Variants in CCDC141 observed in about 807,000 individuals in gnomAD.
CCDC141 encodes the protein coiled-coil domain-containing protein 141.
CCDC141 carries 168 observed loss-of-function variants against 181.0 expected under a neutral mutation model. The observed-to-expected ratio is 0.93, with a 90% CI of 0.82 to 1.05. The LOEUF (loss-of-function observed/expected upper bound fraction) is 1.05, where lower values mean the gene tolerates loss of function less well. Among genes scored for constraint, CCDC141 ranks in the 50% least tolerant of loss-of-function variants. The pLI, the probability that CCDC141 is intolerant of heterozygous loss-of-function variation, is 0.00. For missense variants in CCDC141, 1,902 were observed against 1,788.5 expected, an observed-to-expected ratio of 1.06 and a Z score of -1.14; for synonymous variants, 666 against 642.3, an observed-to-expected ratio of 1.04 and a Z score of -0.56.
intron 4 of CCDC141, among the ~76,000 whole-genome samples, chr2:178,972,110 AAAGATAT>A (rs1165037026): frequency 1.6e-4 from 24 of 152,258 alleles, no homozygotes; most frequent in African/African-American, 5.5e-4. Context: ...AAATTTAAAA[AAAGATAT>A]ATACAACATC....
intron 2 of CCDC141, among the ~76,000 whole-genome samples, chr2:178,981,926 G>T (rs1355140033): frequency 6.7e-6 from 1 of 148,976 alleles, no homozygotes; most frequent in Non-Finnish European, 1.5e-5. Context: ...AAAGAGAAAA[G>T]AAACAAATTA....
chr2:178,944,626 A>G lies in CCDC141; in HGVS notation c.806T>C (p.Ile269Thr), dbSNP rs1005153518. ...TAGACTTTGTTCCTGTAAATTTCTT[A>G]TAGTTTTCTGAAACCAACAAGTAAC... is the stretch of plus-strand genomic sequence containing the variant. ...NQVTCWFQKTIRNLQEQSLGS... is the reference protein window; with the variant it reads ...NQVTCWFQKTTRNLQEQSLGS... Residue 269 changes from isoleucine to threonine, a missense_variant, in exon 6 of 24, where the codon ATA becomes ACA. Physicochemically the swap from Ile to Thr is moderately conservative, Grantham distance 89. Transcript: ENST00000443758. 1 of 1,524,218 alleles carries G rather than the reference A, an allele frequency of 6.6e-7. No individual in the cohort carries two copies. The highest frequency in any genetic ancestry group is 1.4e-5 in the African/African-American group (1 of 71,866). 94.4% of individuals were successfully genotyped at this position (1,524,218 alleles called of 1,614,324 possible).
chr2:178,982,454 G>A (rs1292961821), intron 2 of CCDC141, among the ~76,000 whole-genome samples: 1 of 152,210 alleles, frequency 6.6e-6, no homozygotes, highest in Non-Finnish European at 1.5e-5. Context: ...AATTGAAGGA[G>A]GGAGGAGCCA....
chr2:178,907,583 G>A (rs1347393242), intron 7 of CCDC141, among the ~76,000 whole-genome samples: 2 of 152,190 alleles, frequency 1.3e-5, no homozygotes, highest in African/African-American at 4.8e-5. Context: ...CTATAGGACT[G>A]TAAAAGAAAG....
Position 178,834,449 on chromosome 2 carries a change from G to A in CCDC141, c.4326-9C>T. On this transcript the variant is annotated splice_polypyrimidine_tract_variant and intron_variant, in intron 23 of 23. Coordinates refer to ENST00000443758, the MANE Select transcript of CCDC141 (RefSeq NM_173648.4). The stretch of plus-strand genomic sequence containing the variant: ...TCTGGCCCTTCTTGTACCTGAAGCA[G>A]AGAGGCAGTTTTTAAAGTCAGGATT... 6.5e-7 allele frequency: 1 copy of A among 1,534,134 alleles called. No individual in the cohort carries two copies. The highest frequency in any genetic ancestry group is 8.7e-7 in the Non-Finnish European group (1 of 1,145,124).
At chr2:179,006,265 A>G (rs1462051844) in intron 2 of CCDC141, among the ~76,000 whole-genome samples, 1 of 152,192 alleles carries the variant, frequency 6.6e-6, no homozygotes, top group Non-Finnish European at 1.5e-5. Context: ...CTTAACATAC[A>G]CGGGGGTGGG....
intron 12 of CCDC141, chr2:178,877,712 A>T (rs1463360398): frequency 3.7e-6 from 2 of 534,964 alleles, no homozygotes; most frequent in Admixed American, 7.5e-5. Context: ...TAATAATAAC[A>T]ATGTTGCATT....
chr2:178,822,367 T>C, the CCDC141 span, among the ~76,000 whole-genome samples: 2 of 150,674 alleles, frequency 1.3e-5, no homozygotes, highest in South Asian at 4.2e-4. Context: ...GTAACAAACC[T>C]GCATGTTGTG....
At chr2:179,015,873 C>CAT (rs1288236185) in intron 2 of CCDC141, among the ~76,000 whole-genome samples, 1 of 118,948 alleles carries the variant, frequency 8.4e-6, no homozygotes, top group African/African-American at 2.7e-5. Flanking sequence ...ATATATATCT[C>CAT]ATATGTATCA....
At chr2:178,869,015 T>G (rs1043162014) in intron 15 of CCDC141, 102 bp downstream of exon 15, 1 of 762,458 alleles carries the variant, frequency 1.3e-6, no homozygotes. Flanking sequence ...AAACTTCTGA[T>G]ACTAGAAGAC....
At chr2:178,948,578 C>G (rs1031047193) in intron 5 of CCDC141, among the ~76,000 whole-genome samples, 1 of 152,164 alleles carries the variant, frequency 6.6e-6, no homozygotes, top group South Asian at 2.1e-4. Context: ...CCCTCTAAAC[C>G]CTATGCTGAA....
Position 179,047,571 on chromosome 2 carries a change from T to A in CCDC141, c.103-165A>T, listed in dbSNP as rs187328496. ...TCCATAGAGATGGGGTTTACTTAAA[T>A]TGAAACACAACAGATCTAATATAAA... On this transcript the variant is annotated intron_variant, in intron 1 of 23. Transcript: ENST00000443758. Among the ~76,000 whole-genome samples the A allele has an allele frequency of 2.3e-3, 349 of 152,372 alleles. 1 individual carries two copies. Among genetic ancestry groups the A allele is most frequent in the African/African-American group, 8.1e-3 (337 of 41,602 alleles).
At chr2:179,043,408 A>C (rs1006985197) in intron 2 of CCDC141, among the ~76,000 whole-genome samples, 11 of 152,074 alleles carry the variant, frequency 7.2e-5, no homozygotes, top group Non-Finnish European at 1.0e-4. Flanking sequence ...AAAAAAGGAA[A>C]CTCCAGGCCT....
At chr2:178,821,937 G>A in the CCDC141 span, among the ~76,000 whole-genome samples, 2 of 152,230 alleles carry the variant, frequency 1.3e-5, no homozygotes, top group Non-Finnish European at 2.9e-5. Context: ...AAATCATGCT[G>A]CTATAAAGAC....
chr2:178,817,810 C>A, the CCDC141 span: 1 of 304,148 alleles, frequency 3.3e-6, no homozygotes. Flanking sequence ...TCCCTCCCTC[C>A]CTCCCTTCTT....
chr2:178,888,179 G>A (rs1234963530), intron 9 of CCDC141, among the ~76,000 whole-genome samples: 1 of 152,108 alleles, frequency 6.6e-6, no homozygotes, highest in African/African-American at 2.4e-5. Context: ...ATGGTACCAT[G>A]GTAACAGAAA....
Position 179,050,019 on chromosome 2 carries a change from G to T in CCDC141, c.-78C>A. Reference sequence around the variant, plus strand: ...TCTGCTGGTCATTTCAGAAGGCCAGGGTTACTTGGATTCATTCAGGGAAAG... The same window carrying T: ...TCTGCTGGTCATTTCAGAAGGCCAGTGTTACTTGGATTCATTCAGGGAAAG... On this transcript the variant is annotated 5_prime_UTR_variant, in exon 1 of 24. Transcript: ENST00000443758. The T allele has an allele frequency of 6.5e-7, 1 of 1,539,750 alleles. No individual in the cohort carries two copies.
At chr2:178,923,036 C>T (rs1688759559) in intron 6 of CCDC141, among the ~76,000 whole-genome samples, 1 of 152,070 alleles carries the variant, frequency 6.6e-6, no homozygotes, top group Non-Finnish European at 1.5e-5. Context: ...ATTTCTCTAC[C>T]ATTCTGGTAA....
intron 3 of CCDC141, among the ~76,000 whole-genome samples, chr2:178,976,255 G>A (rs1691117723): frequency 6.6e-6 from 1 of 152,008 alleles, no homozygotes; most frequent in Non-Finnish European, 1.5e-5. Context: ...CCTTTGGATT[G>A]GGTTTAGAAT....
Sources: allele counts gnomAD v4.1 joint callset (sites outside exome capture counted in the v4.1 genomes callset), GRCh38; gene constraint gnomAD v4.1.1; transcripts MANE v1.5; gene names NCBI Gene and HGNC (gene_info 2026-07-23, HGNC 2026-07-21).